RYR2: variants seen among roughly 807,000 people sequenced by gnomAD.
RYR2 encodes the protein cardiac muscle ryanodine receptor-calcium release channel.
A neutral mutation model predicts 601.1 loss-of-function variants in RYR2; 227 were observed. That is an observed-to-expected ratio of 0.38 (90% CI 0.34 to 0.42). RYR2 has a LOEUF of 0.42. Among genes scored for constraint, RYR2 ranks in the 10% least tolerant of loss-of-function variants. The pLI is 1.00. For missense variants in RYR2, 4,646 were observed against 6,156.5 expected (o/e 0.75, Z 8.21); for synonymous variants, 2,223 against 2,175.1 (o/e 1.02, Z -0.61).
intron 2 of RYR2, among the ~76,000 whole-genome samples, chr1:237,318,523 T>C (rs2149516944): frequency 6.6e-6 from 1 of 152,302 alleles, no homozygotes; most frequent in Admixed American, 6.5e-5. Flanking sequence ...GAACAAATTC[T>C]CAGTCTTTGT....
chr1:237,786,104 T>C, intron 91 of RYR2, 68 bp downstream of exon 91: 3 of 981,146 alleles, frequency 3.1e-6, no homozygotes, highest in Non-Finnish European at 4.7e-6. Context: ...TCTTGTACTC[T>C]GTCTTTGGGA....
At chr1:237,560,492 G>A (rs1671342077) in intron 27 of RYR2, among the ~76,000 whole-genome samples, 1 of 152,196 alleles carries the variant, frequency 6.6e-6, no homozygotes, top group South Asian at 2.1e-4. Context: ...CCACTACAAG[G>A]GCTTATGGGT....
chr1:237,690,639 A>T (rs1448483654), intron 63 of RYR2, among the ~76,000 whole-genome samples: 1 of 152,316 alleles, frequency 6.6e-6, no homozygotes, highest in Admixed American at 6.5e-5. Context: ...AGGCGGACAG[A>T]TCACTTGAGC....
At chr1:237,655,787 G>GT in intron 52 of RYR2, 34 bp from the exon 53 acceptor site, 1 of 1,547,776 alleles carries the variant, frequency 6.5e-7, no homozygotes, top group South Asian at 1.2e-5. Flanking sequence ...TTGCCATATA[G>GT]TAATTTTTTT....
intron 1 of RYR2, among the ~76,000 whole-genome samples, chr1:237,059,467 G>A (rs1470226482): frequency 6.6e-6 from 1 of 152,104 alleles, no homozygotes; most frequent in Non-Finnish European, 1.5e-5. Flanking sequence ...CAGCTTCCAA[G>A]AAGGGCCCTG....
intron 58 of RYR2, among the ~76,000 whole-genome samples, chr1:237,673,299 C>T (rs1685116804): frequency 6.6e-6 from 1 of 152,060 alleles, no homozygotes; most frequent in Admixed American, 6.5e-5. Context: ...ATCTTTACAT[C>T]TGAAATTAAC....
chr1:237,290,506 C>T (rs1692079966), intron 2 of RYR2, among the ~76,000 whole-genome samples: 1 of 152,146 alleles, frequency 6.6e-6, no homozygotes, highest in African/African-American at 2.4e-5. Context: ...TGGTAAATTT[C>T]ATTGCATGTA....
At chr1:237,549,688 A>T (rs1048529883) in intron 26 of RYR2, among the ~76,000 whole-genome samples, 1 of 131,302 alleles carries the variant, frequency 7.6e-6, no homozygotes, top group African/African-American at 2.9e-5. Flanking sequence ...GAACATCCAC[A>T]GCCTCCCAAT....
chr1:237,756,214 C>G lies in RYR2; in HGVS notation c.11146-74C>G, dbSNP rs569218739. The G allele has an allele frequency of 3.1e-6, 3 of 953,984 alleles. No homozygotes were observed. The East Asian group carries it at 7.3e-5, about 23-fold the overall frequency. The allele number at this position is 953,984 out of a possible 1,614,324, so 59.1% of individuals were successfully genotyped here. On this transcript the variant is annotated intron_variant, in intron 80 of 104. Coordinates refer to ENST00000366574, the MANE Select transcript of RYR2 (RefSeq NM_001035.3). ...ATAGAGCCCATACATGAAGAGATGA[C>G]TAAAAATATGGTCTGTAGAAATCTG...
intron 51 of RYR2, among the ~76,000 whole-genome samples, 194 bp downstream of exon 51, chr1:237,651,695 C>A (rs1682746012): frequency 6.6e-6 from 1 of 152,034 alleles, no homozygotes; most frequent in African/African-American, 2.4e-5. Flanking sequence ...TTATAGAAAT[C>A]TTAACATTGA....
intron 24 of RYR2, among the ~76,000 whole-genome samples, chr1:237,519,122 T>G (rs1011404439): frequency 2.6e-5 from 4 of 152,196 alleles, no homozygotes; most frequent in Non-Finnish European, 4.4e-5. Context: ...GGAGACTATT[T>G]GATGCTTTTC....
chr1:237,131,338 T>C (rs1232482461), intron 1 of RYR2, among the ~76,000 whole-genome samples: 1 of 152,074 alleles, frequency 6.6e-6, no homozygotes, highest in African/African-American at 2.4e-5. Flanking sequence ...TATTATTATC[T>C]TTGATTCTCT....
intron 2 of RYR2, among the ~76,000 whole-genome samples, chr1:237,322,243 C>T (rs1221427797): frequency 6.6e-6 from 1 of 152,168 alleles, no homozygotes; most frequent in African/African-American, 2.4e-5. Context: ...CACTATATTA[C>T]ATAATTAATT....
intron 1 of RYR2, among the ~76,000 whole-genome samples, chr1:237,159,777 G>T (rs182883428): frequency 1.3e-5 from 2 of 152,214 alleles, no homozygotes; most frequent in Non-Finnish European, 2.9e-5. Context: ...CAATGCTTTG[G>T]GAAAGTTTCA....
chr1:237,733,695 C>T lies in RYR2; in HGVS notation c.11040-10C>T. 6.2e-7 allele frequency: 1 copy of T among 1,603,088 alleles called. No homozygotes were observed. Among genetic ancestry groups the T allele is most frequent in the Non-Finnish European group, 8.5e-7 (1 of 1,170,764 alleles). On this transcript the variant is annotated splice_polypyrimidine_tract_variant and intron_variant, in intron 78 of 104. Transcript: ENST00000366574. The stretch of plus-strand genomic sequence containing the variant: ...CTTAAACACTGATGTTTTCTTCTTG[C>T]TTTCCCCAGCAAACTGGAGGAAGAT...
In RYR2 at chr1:237,595,630, T is replaced by C. The variant is rs776074590; in HGVS notation, c.4569T>C (p.Asn1523=). 22 of 1,613,282 alleles carry C rather than the reference T, an allele frequency of 1.4e-5. No homozygotes were observed. In the South Asian group the frequency reaches 2.0e-4, roughly 15 times the overall value. The change falls in exon 34 of 105, where the codon AAT becomes AAC. Residue 1523 remains asparagine (N), a synonymous_variant. Transcript: ENST00000366574. ...GCGGGCTGCTCACATTCATTGCCAA[T>C]GGCAAGGAACTGAGCACATACTATC... ...AASGLLTFIA[N]GKELSTYYQV...
intron 66 of RYR2, among the ~76,000 whole-genome samples, chr1:237,703,885 C>T (rs1257456327): frequency 1.3e-5 from 2 of 151,800 alleles, no homozygotes; most frequent in African/African-American, 2.4e-5. Context: ...TTGTTAAATG[C>T]CAGATACTAG....
intron 35 of RYR2, among the ~76,000 whole-genome samples, chr1:237,606,847 G>A (rs1426665241): frequency 6.6e-6 from 1 of 152,198 alleles, no homozygotes; most frequent in East Asian, 1.9e-4. Flanking sequence ...ATGGCCATCA[G>A]AGAAATGCAA....
At chr1:237,725,488 C>G (rs942787778) in intron 74 of RYR2, among the ~76,000 whole-genome samples, 1 of 151,964 alleles carries the variant, frequency 6.6e-6, no homozygotes, top group Non-Finnish European at 1.5e-5. Context: ...GTATCAGCAG[C>G]CTGTTTTAGA....
Sources: allele counts gnomAD v4.1 joint callset (sites outside exome capture counted in the v4.1 genomes callset), GRCh38; gene constraint gnomAD v4.1.1; transcripts MANE v1.5; gene names NCBI Gene and HGNC (gene_info 2026-07-23, HGNC 2026-07-21).